MYO15A: variants seen among roughly 807,000 people sequenced by gnomAD.
The protein encoded by MYO15A is unconventional myosin-XV.
In MYO15A, 308 loss-of-function variants were observed where a neutral mutation model predicts 394.6. The observed-to-expected ratio is 0.78, with a 90% CI of 0.71 to 0.86. The LOEUF is 0.86. Among genes scored for constraint, MYO15A ranks in the 40% least tolerant of loss-of-function variants. The probability of loss-of-function intolerance (pLI) is 0.00; values close to 1 mark genes in which losing one functional copy is unlikely to be tolerated. For missense variants in MYO15A, 4,606 were observed against 4,799.1 expected (o/e 0.96, Z 1.19); for synonymous variants, 1,957 against 2,003.8 (o/e 0.98, Z 0.62).
Position 18,136,586 on chromosome 17 carries a change from ATGCAC to A in MYO15A, c.4683_4687del (p.Leu1562ValfsTer38). ...AGGGACGCCATCGCCAAGGTCTTGTATGCACTGCTGTTCAGCTGGCTCATCACCAG... is the reference window on the plus strand; with the variant it reads ...AGGGACGCCATCGCCAAGGTCTTGTATGCTGTTCAGCTGGCTCATCACCAG... On this transcript the variant is annotated frameshift_variant, in exon 15 of 66. Transcript: ENST00000647165. LOFTEE classifies it high-confidence loss of function. 1 of 1,614,042 alleles carries A rather than the reference ATGCAC, an allele frequency of 6.2e-7. No homozygotes were observed. Among genetic ancestry groups the A allele is most frequent in the South Asian group, 1.1e-5 (1 of 91,088 alleles).
intron 1 of MYO15A, 70 bp from the exon 2 acceptor site, chr17:18,118,512 G>A (rs1316605101): frequency 1.2e-5 from 6 of 493,092 alleles, no homozygotes; most frequent in Admixed American, 6.7e-5. Flanking sequence ...GTCTCCCCCA[G>A]CACAGGCCTC....
intron 1 of MYO15A, among the ~76,000 whole-genome samples, chr17:18,115,738 G>A (rs190464318): frequency 6.6e-6 from 1 of 152,174 alleles, no homozygotes; most frequent in African/African-American, 2.4e-5. Context: ...CTGCACATGT[G>A]CCCCTGAACT....
chr17:18,129,689 C>T (rs924164361), intron 7 of MYO15A, among the ~76,000 whole-genome samples: 1 of 152,182 alleles, frequency 6.6e-6, no homozygotes, highest in Non-Finnish European at 1.5e-5. Flanking sequence ...CATTTCACCT[C>T]TCTAAGCTTC....
At chr17:18,112,614 T>A (rs1299449859) in intron 1 of MYO15A, among the ~76,000 whole-genome samples, 2 of 152,154 alleles carry the variant, frequency 1.3e-5, no homozygotes, top group African/African-American at 4.8e-5. Flanking sequence ...TGCCATATTG[T>A]CTGGGCTGGT....
rs1193988440 is a variant in MYO15A, at chr17:18,159,956, A to T, written c.9325A>T (p.Met3109Leu). 6.2e-7 allele frequency: 1 copy of T among 1,614,140 alleles called. No individual in the cohort carries two copies. The change falls in exon 56 of 66, where the codon ATG (methionine) becomes TTG (leucine). Residue 3109 changes from methionine (M) to leucine (L), a missense_variant. Physicochemically the swap from Met to Leu is conservative, Grantham distance 15. Coordinates refer to ENST00000647165, the MANE Select transcript of MYO15A (RefSeq NM_016239.4). ...TCAGCTGTGCGGGGACCATGAGGTC[A>T]TGCGGGATGAATGTTACTGCCAAGT... ...LLKLCGDHEVMRDECYCQVVK... is the reference protein window; with the variant it reads ...LLKLCGDHEVLRDECYCQVVK...
rs529797013 is a variant in MYO15A, at chr17:18,139,541, A to T, written c.5141A>T (p.Lys1714Met). ...CATTGTTCCCCTTTTCAGGTGCACA[A>T]GTTCCTGGACAAGAACCACGACCAA... ...YAGKVTYQVH[K>M]FLDKNHDQVR... Residue 1714 changes from lysine to methionine, a missense_variant, in exon 19 of 66, where the codon AAG becomes ATG. By Grantham distance (95) the Lys-to-Met change is moderately conservative. This residue lies in a region of MYO15A where 2,776 missense variants were observed against 3,109.3 expected (regional missense o/e 0.89). Coordinates refer to ENST00000647165, the MANE Select transcript of MYO15A (RefSeq NM_016239.4). 172 of 1,614,000 alleles carry T rather than the reference A, an allele frequency of 1.1e-4. 4 individuals are homozygous for T. In the Middle Eastern group the frequency reaches 2.0e-3, roughly 19 times the overall value.
At chr17:18,122,536 T>A in intron 2 of MYO15A, 127 bp downstream of exon 2, 1 of 1,399,488 alleles carries the variant, frequency 7.1e-7, no homozygotes, top group Non-Finnish European at 9.4e-7. Flanking sequence ...AGTCTCTGGG[T>A]CTGTAAGTTG....
chr17:18,136,378 G>C (rs1263744155), intron 13 of MYO15A, 39 bp from the exon 14 acceptor site: 3 of 1,612,266 alleles, frequency 1.9e-6, no homozygotes, highest in Non-Finnish European at 1.7e-6. Flanking sequence ...AGGCAGAGTG[G>C]CCAGCCTGAT....
At chr17:18,115,327 C>G (rs1038183084) in intron 1 of MYO15A, among the ~76,000 whole-genome samples, 1 of 152,192 alleles carries the variant, frequency 6.6e-6, no homozygotes, top group African/African-American at 2.4e-5. Flanking sequence ...GCTATCAAGA[C>G]TGAGGTCGAG....
In MYO15A at chr17:18,119,451, G is replaced by C. The variant is rs778745402; in HGVS notation, c.651G>C (p.Ser217=). The C allele has an allele frequency of 1.9e-6, 3 of 1,612,590 alleles. No homozygotes were observed. Among genetic ancestry groups the C allele is most frequent in the Non-Finnish European group, 2.5e-6 (3 of 1,179,980 alleles). Reference sequence around the variant, plus strand: ...AGGACGAGGCCCCATTCCATCACTCGGGCTCCCGCAAGTCGCTGTACGGGC... The same window carrying C: ...AGGACGAGGCCCCATTCCATCACTCCGGCTCCCGCAAGTCGCTGTACGGGC... The part of the protein sequence containing the change: ...PFEDEAPFHH[S]GSRKSLYGLE... The change falls in exon 2 of 66, where the codon TCG becomes TCC. Residue 217 remains serine (S), a synonymous_variant. Transcript: ENST00000647165.
At chr17:18,159,879 T>C (rs776927188) in intron 55 of MYO15A, 56 bp from the exon 56 acceptor site, 3 of 1,583,750 alleles carry the variant, frequency 1.9e-6, no homozygotes, top group Admixed American at 1.7e-5. Context: ...ATGTACCTGG[T>C]ATATGACATA....
intron 47 of MYO15A, 128 bp from the exon 48 acceptor site, chr17:18,156,067 G>A (rs957421377): frequency 1.4e-6 from 2 of 1,428,490 alleles, no homozygotes; most frequent in African/African-American, 1.4e-5. Context: ...GGTTCTGTGG[G>A]AGCTGGCACA....
At chr17:18,173,386 T>G (rs1597826274) in intron 64 of MYO15A, among the ~76,000 whole-genome samples, 1 of 151,384 alleles carries the variant, frequency 6.6e-6, no homozygotes, top group African/African-American at 2.4e-5. Flanking sequence ...AGCCCAGGAG[T>G]TTTAAGACTG....
intron 41 of MYO15A, 39 bp downstream of exon 41, chr17:18,151,990 A>C (rs780592458): frequency 2.6e-6 from 4 of 1,547,248 alleles, no homozygotes; most frequent in Non-Finnish European, 3.5e-6. Flanking sequence ...GGTGGAACAG[A>C]AGACAAAGAG....
rs1294913080 is a variant in MYO15A at position 18,147,753 on chromosome 17, C to G, written c.6510-276C>G. On this transcript the variant is annotated intron_variant, in intron 30 of 65. Transcript: ENST00000647165. This position sits in a 1 kb window ranked among gnomAD's most constrained non-coding sequence, Gnocchi z 4.4. ...CTGGCCTGAGATACTTCTGGACTAGCCTGGGACCCTTTCAGTTTAGCCGTG... is the reference window on the plus strand; with the variant it reads ...CTGGCCTGAGATACTTCTGGACTAGGCTGGGACCCTTTCAGTTTAGCCGTG... Among the ~76,000 whole-genome samples the G allele has an allele frequency of 6.6e-6, 1 of 152,136 alleles. No individual in the cohort carries two copies. The highest frequency in any genetic ancestry group is 2.4e-5 in the African/African-American group (1 of 41,422).
At chr17:18,124,991 G>T in intron 3 of MYO15A, 177 bp from the exon 4 acceptor site, 1 of 673,090 alleles carries the variant, frequency 1.5e-6, no homozygotes, top group Non-Finnish European at 2.7e-6. Flanking sequence ...TTGGACAAAT[G>T]AAGAAAAAGG....
intron 62 of MYO15A, among the ~76,000 whole-genome samples, chr17:18,169,157 T>A (rs186740894): frequency 2.6e-3 from 243 of 92,084 alleles, no homozygotes; most frequent in East Asian, 6.4e-3. Flanking sequence ...ATAATAATAA[T>A]AAAAATAGGC....
At position 18,179,794 on chromosome 17, in the gene MYO15A, A is replaced by C. The variant is rs1404139775; in HGVS notation, c.*924A>C. On this transcript the variant is annotated 3_prime_UTR_variant, in exon 66 of 66. Transcript: ENST00000647165. Reference sequence around the variant, plus strand: ...TATGAATGAAAAAATAAACGAGTGAATGTTGATAGAAAGTGCTGGTGCTTT... The same window carrying C: ...TATGAATGAAAAAATAAACGAGTGACTGTTGATAGAAAGTGCTGGTGCTTT... 6.6e-6 allele frequency: 1 copy of C among 152,216 alleles called. No homozygotes were observed. Among genetic ancestry groups the C allele is most frequent in the Non-Finnish European group, 1.5e-5 (1 of 68,040 alleles). The allele number at this position is 152,216 out of a possible 1,614,324, so 9.4% of individuals were successfully genotyped here.
intron 1 of MYO15A, among the ~76,000 whole-genome samples, chr17:18,110,656 T>C (rs1204319789): frequency 2.0e-5 from 3 of 152,216 alleles, no homozygotes; most frequent in Admixed American, 2.0e-4. Flanking sequence ...TAGTGAGATA[T>C]TCCAGAAAAG....
Sources: allele counts gnomAD v4.1 joint callset (sites outside exome capture counted in the v4.1 genomes callset), GRCh38; gene constraint gnomAD v4.1.1; regional missense constraint gnomAD v4.1.1; non-coding constraint Gnocchi (gnomAD v3.1); transcripts MANE v1.5; gene names NCBI Gene and HGNC (gene_info 2026-07-23, HGNC 2026-07-21).